The following SPMAP2L variants were observed in gnomAD, a reference collection of about 807,000 sequenced individuals.
SPMAP2L encodes the protein sperm microtubule associated protein 2 like.
At chr4:56,542,572 C>T in the SPMAP2L span, among the ~76,000 whole-genome samples, 1 of 151,976 alleles carries the variant, frequency 6.6e-6, no homozygotes, top group African/African-American at 2.4e-5. Flanking sequence ...TAGACCTTGT[C>T]CTCTCTCCCT....
At chr4:56,538,904 C>G in the SPMAP2L span, among the ~76,000 whole-genome samples, 1 of 152,166 alleles carries the variant, frequency 6.6e-6, no homozygotes, top group African/African-American at 2.4e-5. Flanking sequence ...TACATTAATT[C>G]CTTTAGTAAA....
the SPMAP2L span, among the ~76,000 whole-genome samples, chr4:56,532,175 C>G: frequency 2.6e-5 from 4 of 152,170 alleles, no homozygotes; most frequent in Admixed American, 2.6e-4. Context: ...CTGAAGATGA[C>G]TAACTGCCTT....
chr4:56,611,647 A>C, the SPMAP2L span, among the ~76,000 whole-genome samples: 2 of 152,200 alleles, frequency 1.3e-5, no homozygotes, highest in African/African-American at 2.4e-5. Flanking sequence ...CACATATGGC[A>C]ACAGAACTCT....
At chr4:56,565,142 T>G in the SPMAP2L span, among the ~76,000 whole-genome samples, 1 of 152,216 alleles carries the variant, frequency 6.6e-6, no homozygotes. Flanking sequence ...TTTGCTGTAA[T>G]GGGTAAAGTG....
At chr4:56,585,896 G>A in the SPMAP2L span, among the ~76,000 whole-genome samples, 1 of 152,146 alleles carries the variant, frequency 6.6e-6, no homozygotes, top group Admixed American at 6.5e-5. Context: ...ACAAACTCCA[G>A]ATAATCTAAA....
chr4:56,535,074 A>T, the SPMAP2L span, among the ~76,000 whole-genome samples: 2 of 152,182 alleles, frequency 1.3e-5, no homozygotes, highest in Non-Finnish European at 2.9e-5. Context: ...AGGTGCCTAA[A>T]AACCTTAGCA....
At chr4:56,606,379 G>A in the SPMAP2L span, among the ~76,000 whole-genome samples, 6 of 152,242 alleles carry the variant, frequency 3.9e-5, no homozygotes, top group African/African-American at 1.2e-4. Flanking sequence ...TTTCCTAGCC[G>A]AGGTATGGAT....
chr4:56,563,514 G>C, the SPMAP2L span, among the ~76,000 whole-genome samples: 1 of 151,978 alleles, frequency 6.6e-6, no homozygotes, highest in African/African-American at 2.4e-5. Context: ...TTGGGGGAGG[G>C]GAAGGAGATG....
chr4:56,541,288 T>A, the SPMAP2L span, among the ~76,000 whole-genome samples: 1 of 152,176 alleles, frequency 6.6e-6, no homozygotes, highest in African/African-American at 2.4e-5. Flanking sequence ...ATGTTTATAA[T>A]TGTATTACAA....
At chr4:56,621,174 G>T in the SPMAP2L span, among the ~76,000 whole-genome samples, 2 of 150,746 alleles carry the variant, frequency 1.3e-5, no homozygotes, top group East Asian at 3.9e-4. Context: ...TAATTTAGGA[G>T]ACTGCCTATT....
the SPMAP2L span, among the ~76,000 whole-genome samples, chr4:56,543,013 TAAAA>T: frequency 1.3e-5 from 2 of 148,308 alleles, no homozygotes; most frequent in Admixed American, 6.7e-5. Flanking sequence ...AGTAGGAACT[TAAAA>T]AAAAAAATTC....
At chr4:56,573,590 C>A in the SPMAP2L span, among the ~76,000 whole-genome samples, 17 of 152,178 alleles carry the variant, frequency 1.1e-4, no homozygotes, top group Non-Finnish European at 1.2e-4. Context: ...CCACAGTGTG[C>A]CCCATTGTTC....
At chr4:56,600,595 C>G in the SPMAP2L span, among the ~76,000 whole-genome samples, 5 of 152,210 alleles carry the variant, frequency 3.3e-5, no homozygotes, top group Admixed American at 1.3e-4. Context: ...TCCAGCCCAG[C>G]ATGGGTTTAA....
chr4:56,590,675 A>G, the SPMAP2L span, among the ~76,000 whole-genome samples: 2 of 152,228 alleles, frequency 1.3e-5, no homozygotes, highest in Non-Finnish European at 2.9e-5. Flanking sequence ...AAGGAACTGT[A>G]TCTTATTATT....
chr4:56,544,611 G>A, the SPMAP2L span, among the ~76,000 whole-genome samples: 6 of 152,116 alleles, frequency 3.9e-5, no homozygotes, highest in Non-Finnish European at 7.4e-5. Flanking sequence ...GACCTCATCC[G>A]AGAGATTTTT....
At chr4:56,582,481 C>A in the SPMAP2L span, among the ~76,000 whole-genome samples, 1 of 151,898 alleles carries the variant, frequency 6.6e-6, no homozygotes, top group Non-Finnish European at 1.5e-5. Flanking sequence ...CCTGGAAATG[C>A]AAATTAAAAT....
At chr4:56,552,557 C>T in the SPMAP2L span, 1 of 1,517,144 alleles carries the variant, frequency 6.6e-7, no homozygotes, top group Non-Finnish European at 8.8e-7. Flanking sequence ...AGTTTTTCTT[C>T]TAGGAAGAGA....
chr4:56,609,099 G>A, the SPMAP2L span, among the ~76,000 whole-genome samples: 1 of 146,846 alleles, frequency 6.8e-6, no homozygotes, highest in Admixed American at 6.9e-5. Flanking sequence ...ACCCGGACTG[G>A]AGTGCAGTGG....
At chr4:56,601,141 A>G in the SPMAP2L span, 1 of 1,522,904 alleles carries the variant, frequency 6.6e-7, no homozygotes, top group Non-Finnish European at 8.8e-7. Flanking sequence ...GTGGGACAGG[A>G]AAGGCTGGGG....
Sources: allele counts gnomAD v4.1 joint callset (sites outside exome capture counted in the v4.1 genomes callset), GRCh38; gene constraint gnomAD v4.1.1; transcripts MANE v1.5; gene names NCBI Gene and HGNC (gene_info 2026-07-23, HGNC 2026-07-21).